SIGLEC10: variants seen among roughly 807,000 people sequenced by gnomAD.
SIGLEC10 encodes sialic acid-binding Ig-like lectin 10.
SIGLEC10 carries 45 observed loss-of-function variants against 68.3 expected under a neutral mutation model. The ratio of observed to expected loss-of-function variants is 0.66; its 90% confidence interval spans 0.52 to 0.84. The LOEUF is 0.84. Among genes scored for constraint, SIGLEC10 ranks in the 40% least tolerant of loss-of-function variants. SIGLEC10 has a pLI of 0.00. For missense variants in SIGLEC10, 789 were observed against 883.1 expected (o/e 0.89, Z 1.35); for synonymous variants, 379 against 370.8 (o/e 1.02, Z -0.26).
In SIGLEC10 at chr19:51,417,148, G is replaced by A. The variant is rs374849658; in HGVS notation, c.355C>T (p.Arg119Trp). The change falls in exon 2 of 11, where the codon CGG becomes TGG. Residue 119 changes from arginine (R) to tryptophan (W), a missense_variant. By Grantham distance (101) the Arg-to-Trp change is moderately radical. Transcript: ENST00000339313. The stretch of plus-strand genomic sequence containing the variant: ...CTCACATAGCTTCCTCTCTCCACCC[G>A]AAAGAAGTACTGTGACTCATCCTGC... ...QMQDESQYFF[R>W]VERGSYVRYN... The A allele has an allele frequency of 1.4e-5, 22 of 1,614,042 alleles. No individual in the cohort carries two copies. The highest frequency in any genetic ancestry group is 4.0e-5 in the African/African-American group (3 of 74,900).
intron 10 of SIGLEC10, among the ~76,000 whole-genome samples, chr19:51,413,438 A>G (rs994004449): frequency 1.3e-5 from 2 of 152,212 alleles, no homozygotes; most frequent in Admixed American, 1.3e-4. Context: ...CAATGGTGGC[A>G]GTAATAATGG....
In SIGLEC10 at chr19:51,416,300, C is replaced by T. The variant is rs1375739632; in HGVS notation, c.754+10G>A. The T allele has an allele frequency of 4.2e-5, 68 of 1,613,998 alleles. No homozygotes were observed. Among genetic ancestry groups the T allele is most frequent in the Non-Finnish European group, 5.1e-5 (60 of 1,180,006 alleles). On this transcript the variant is annotated intron_variant, in intron 4 of 10. Coordinates refer to ENST00000339313, the MANE Select transcript of SIGLEC10 (RefSeq NM_033130.5). ...AACTGGCCCAGCCCCAGCCCGACGG[C>T]CCTCAGTACCTGGCGTGTTGTCACG... is the stretch of plus-strand genomic sequence containing the variant.
rs1988717515 is a variant in SIGLEC10 at position 51,416,736 on chromosome 19, G to A, written c.636C>T (p.Asp212=). The A allele has an allele frequency of 3.1e-6, 5 of 1,614,242 alleles. No homozygotes were observed. Among genetic ancestry groups the A allele is most frequent in the Non-Finnish European group, 4.2e-6 (5 of 1,180,038 alleles). The change falls in exon 3 of 11, where the codon GAC becomes GAT. Residue 212 remains aspartate, a synonymous_variant. Coordinates refer to ENST00000339313, the MANE Select transcript of SIGLEC10 (RefSeq NM_033130.5). ...FTPRPQDHNT[D]LTCHVDFSRK... is the part of the protein sequence containing the mutation. ...TGGAGAAGTCCACATGGCAGGTGAGGTCGGTGTTGTGGTCCTGGGGTCTGG... is the reference window on the plus strand; with the variant it reads ...TGGAGAAGTCCACATGGCAGGTGAGATCGGTGTTGTGGTCCTGGGGTCTGG...
Position 51,416,846 on chromosome 19 carries a change from G to T in SIGLEC10, c.526C>A (p.Pro176Thr), listed in dbSNP as rs201973397. The change falls in exon 3 of 11, where the codon CCT becomes ACT. Residue 176 changes from proline (P) to threonine (T), a missense_variant. Pro to Thr is a conservative substitution (Grantham distance 38). Coordinates refer to ENST00000339313, the MANE Select transcript of SIGLEC10 (RefSeq NM_033130.5). ...FNWAFEECPP[P>T]SFSWTGAALS... ...GCAGCCCCCGTCCAGGAGAAAGAAGGGGGTGGACATTCCTCAAAGGCCCAG... is the reference window on the plus strand; with the variant it reads ...GCAGCCCCCGTCCAGGAGAAAGAAGTGGGTGGACATTCCTCAAAGGCCCAG... 77 of 1,614,198 alleles carry T rather than the reference G, an allele frequency of 4.8e-5. No individual in the cohort carries two copies. The highest frequency in any genetic ancestry group is 2.0e-4 in the South Asian group (18 of 91,092).
chr19:51,414,514 A>G lies in SIGLEC10; in HGVS notation c.1617T>C (p.Asp539=). 6.2e-7 allele frequency: 1 copy of G among 1,613,660 alleles called. No individual in the cohort carries two copies. Among genetic ancestry groups the G allele is most frequent in the Non-Finnish European group, 8.5e-7 (1 of 1,179,808 alleles). ...ATGCCGTTGAGATGAGTCCCTTCTT[A>G]TCTGCACACGGAGAGGGCAAGGTGA... The part of the protein sequence containing the change: ...AQSGSILQLP[D]KKGLISTAFS... Residue 539 remains aspartate (D), a splice_region_variant and synonymous_variant, in exon 9 of 11, where the codon GAT becomes GAC. Transcript: ENST00000339313. This position sits in a 1 kb window ranked among gnomAD's most constrained non-coding sequence, Gnocchi z 4.1.
chr19:51,416,274 C>G lies in SIGLEC10; in HGVS notation c.754+36G>C, dbSNP rs200256024. 994 of 1,613,506 alleles carry G rather than the reference C, an allele frequency of 6.2e-4. 1 individual carries two copies. The highest frequency in any genetic ancestry group is 6.3e-4 in the Non-Finnish European group (749 of 1,179,594). On this transcript the variant is annotated intron_variant, in intron 4 of 10. Transcript: ENST00000339313. ...CCCCTGAAGCCTTTTCATCTAAAGA[C>G]AACTGGCCCAGCCCCAGCCCGACGG... is the stretch of plus-strand genomic sequence containing the variant.
Position 51,416,171 on chromosome 19 carries a change from G to C in SIGLEC10, c.755-4C>G. ...CCCTGGGGCTGGGGCTCCAGGGCTG[G>C]AGTGGGAGGAAAAAAAAAAAAGAGA... On this transcript the variant is annotated splice_region_variant and splice_polypyrimidine_tract_variant and intron_variant, in intron 4 of 10. Coordinates refer to ENST00000339313, the MANE Select transcript of SIGLEC10 (RefSeq NM_033130.5). 6.2e-7 allele frequency: 1 copy of C among 1,604,074 alleles called. No individual in the cohort carries two copies. The highest frequency in any genetic ancestry group is 8.5e-7 in the Non-Finnish European group (1 of 1,176,880).
Position 51,415,914 on chromosome 19 carries a change from C to T in SIGLEC10, c.1008G>A (p.Leu336=), listed in dbSNP as rs1988573145. 6.2e-7 allele frequency: 1 copy of T among 1,613,030 alleles called. No homozygotes were observed. The highest frequency in any genetic ancestry group is 1.7e-5 in the Admixed American group (1 of 60,022). ...ENRLGSQQRA[L]DLSVQYPPEN... is the part of the protein sequence containing the mutation. The stretch of plus-strand genomic sequence containing the variant: ...CACACTCACACTGCACAGAGAGGTC[C>T]AGGGCTCGCTGCTGGGAGCCAAGCC... The change falls in exon 5 of 11, where the codon CTG becomes CTA. Residue 336 remains leucine, a synonymous_variant. Coordinates refer to ENST00000339313, the MANE Select transcript of SIGLEC10 (RefSeq NM_033130.5).
chr19:51,415,866 A>T, intron 5 of SIGLEC10, 32 bp downstream of exon 5: 1 of 1,553,510 alleles, frequency 6.4e-7, no homozygotes, highest in South Asian at 1.1e-5. Flanking sequence ...TGCCCTCCCA[A>T]TGGACTCCAG....
In SIGLEC10 at chr19:51,415,966, C is replaced by T; in HGVS notation, c.956G>A (p.Gly319Glu). 1 of 1,613,640 alleles carries T rather than the reference C, an allele frequency of 6.2e-7. No individual in the cohort carries two copies. The highest frequency in any genetic ancestry group is 1.1e-5 in the South Asian group (1 of 91,044). The stretch of plus-strand genomic sequence containing the variant: ...GTTCTCCGCTCGGCAGGTGTAGCGC[C>T]CTGAATCCCCAGCCTTCACCCCGGG... The part of the protein sequence containing the change: ...ELPGVKAGDS[G>E]RYTCRAENRL... The change falls in exon 5 of 11, where the codon GGG (glycine) becomes GAG (glutamate). Residue 319 changes from glycine (G) to glutamate (E), a missense_variant. Gly to Glu is a moderately conservative substitution (Grantham distance 98). Coordinates refer to ENST00000339313, the MANE Select transcript of SIGLEC10 (RefSeq NM_033130.5).
Position 51,416,758 on chromosome 19 carries a change from C to T in SIGLEC10, c.614G>A (p.Arg205Lys). 1 of 1,614,220 alleles carries T rather than the reference C, an allele frequency of 6.2e-7. No homozygotes were observed. Among genetic ancestry groups the T allele is most frequent in the Non-Finnish European group, 8.5e-7 (1 of 1,180,040 alleles). Residue 205 changes from arginine (R) to lysine (K), a missense_variant, in exon 3 of 11, where the codon AGA (arginine) becomes AAA (lysine). Physicochemically the swap from Arg to Lys is conservative, Grantham distance 26. Coordinates refer to ENST00000339313, the MANE Select transcript of SIGLEC10 (RefSeq NM_033130.5). ...GAGGTCGGTGTTGTGGTCCTGGGGT[C>T]TGGGCGTGAAGCTGAGCACTGAGAA... Reference protein sequence around the residue: ...SHFSVLSFTPRPQDHNTDLTC... With the variant: ...SHFSVLSFTPKPQDHNTDLTC...
chr19:51,415,417 C>T lies in SIGLEC10; in HGVS notation c.1094G>A (p.Gly365Asp), dbSNP rs1319440245. 3 of 1,605,100 alleles carry T rather than the reference C, an allele frequency of 1.9e-6. No individual in the cohort carries two copies. Among genetic ancestry groups the T allele is most frequent in the South Asian group, 1.1e-5 (1 of 90,242 alleles). Residue 365 changes from glycine (G) to aspartate (D), a missense_variant, in exon 7 of 11, where the codon GGC becomes GAC. Coordinates refer to ENST00000339313, the MANE Select transcript of SIGLEC10 (RefSeq NM_033130.5). ...GCCCTCCAGTACTGGGAGAGACGTG[C>T]CGTTCCCAAGGTTTTCCAGGACTAG... Reference protein sequence around the residue: ...NRTVLENLGNGTSLPVLEGQS... With the variant: ...NRTVLENLGNDTSLPVLEGQS...
rs181070500 is a variant in SIGLEC10 at position 51,416,470 on chromosome 19, C to T, written c.707-113G>A. Reference sequence around the variant, plus strand: ...CTATCCCGGGAAGACAAGTGACAACCAGCGCCAGGGCTCACGTGTGTGGAC... The same window carrying T: ...CTATCCCGGGAAGACAAGTGACAACTAGCGCCAGGGCTCACGTGTGTGGAC... On this transcript the variant is annotated intron_variant, in intron 3 of 10. Transcript: ENST00000339313. 5,713 of 1,606,012 alleles carry T rather than the reference C, an allele frequency of 3.6e-3. 10 individuals are homozygous for T. The highest frequency in any genetic ancestry group is 4.6e-3 in the Non-Finnish European group (5,358 of 1,176,088).
In SIGLEC10 at chr19:51,414,651, C is replaced by A; in HGVS notation, c.1616-136G>T. 2 of 1,353,380 alleles carry A rather than the reference C, an allele frequency of 1.5e-6. No individual in the cohort carries two copies. The highest frequency in any genetic ancestry group is 1.2e-5 in the South Asian group (1 of 81,322). 83.8% of individuals were successfully genotyped at this position (1,353,380 alleles called of 1,614,324 possible). A position where few individuals can be genotyped will look rare whatever the true frequency, so the allele number is the denominator to read the frequency against. ...AACCCCTCTGTTTACTTTTAGGAAA[C>A]CCTGCCACACCCCGGCCCAGGTGTT... On this transcript the variant is annotated intron_variant, in intron 8 of 10. Coordinates refer to ENST00000339313, the MANE Select transcript of SIGLEC10 (RefSeq NM_033130.5). The surrounding 1 kb of genome is among the most constrained non-coding windows in gnomAD (Gnocchi z 4.1).
rs771684307 is a variant in SIGLEC10 at position 51,416,892 on chromosome 19, C to A, written c.480G>T (p.Val160=). Residue 160 remains valine, a synonymous_variant, in exon 3 of 11, where the codon GTG becomes GTT. Coordinates refer to ENST00000339313, the MANE Select transcript of SIGLEC10 (RefSeq NM_033130.5). ...IPETLEPGQP[V]TVICVFNWAF... is the part of the protein sequence containing the mutation. ...CCCAGTTAAACACACAGATGACCGT[C>A]ACCGGCTGCCCGGGCTCCAGGGTCT... 2 of 1,614,114 alleles carry A rather than the reference C, an allele frequency of 1.2e-6. No individual in the cohort carries two copies. Among genetic ancestry groups the A allele is most frequent in the Non-Finnish European group, 1.7e-6 (2 of 1,180,016 alleles).
chr19:51,417,169 C>T lies in SIGLEC10; in HGVS notation c.334G>A (p.Asp112Asn), dbSNP rs1988778274. 1 of 1,614,240 alleles carries T rather than the reference C, an allele frequency of 6.2e-7. No homozygotes were observed. Among genetic ancestry groups the T allele is most frequent in the Non-Finnish European group, 8.5e-7 (1 of 1,180,034 alleles). Residue 112 changes from aspartate (D) to asparagine (N), a missense_variant, in exon 2 of 11, where the codon GAT becomes AAT. Physicochemically the swap from Asp to Asn is conservative, Grantham distance 23. Coordinates refer to ENST00000339313, the MANE Select transcript of SIGLEC10 (RefSeq NM_033130.5). ...SLVIRDAQMQDESQYFFRVER... is the reference protein window; with the variant it reads ...SLVIRDAQMQNESQYFFRVER... ...ACCCGAAAGAAGTACTGTGACTCAT[C>T]CTGCATCTGCGCGTCTCTGATCACC...
At chr19:51,413,628 G>T in intron 10 of SIGLEC10, 84 bp downstream of exon 10, 1 of 1,211,352 alleles carries the variant, frequency 8.3e-7, no homozygotes, top group East Asian at 2.4e-5. Context: ...CCTTGATGTC[G>T]CTAAGACAAG....
chr19:51,413,962 GA>G, intron 9 of SIGLEC10, 139 bp from the exon 10 acceptor site: 1 of 656,830 alleles, frequency 1.5e-6, no homozygotes, highest in Non-Finnish European at 2.7e-6. Context: ...AAAGAAGGAG[GA>G]CAAACGTAGA....
At position 51,415,248 on chromosome 19, in the gene SIGLEC10, T is replaced by C. The variant is rs1484921922; in HGVS notation, c.1263A>G (p.Gly421=). Residue 421 remains glycine, a synonymous_variant, in exon 7 of 11, where the codon GGA becomes GGG. Coordinates refer to ENST00000339313, the MANE Select transcript of SIGLEC10 (RefSeq NM_033130.5). ...ELPRVQVEHE[G]EFTCHARHPL... is the part of the protein sequence containing the mutation. The stretch of plus-strand genomic sequence containing the variant: ...GGTGCCGAGCGTGGCAGGTGAACTC[T>C]CCTTCGTGCTCCACTTGAACCCGAG... The C allele has an allele frequency of 1.9e-6, 3 of 1,613,968 alleles. No homozygotes were observed. Among genetic ancestry groups the C allele is most frequent in the Admixed American group, 3.3e-5 (2 of 60,004 alleles).
Sources: allele counts gnomAD v4.1 joint callset (sites outside exome capture counted in the v4.1 genomes callset), GRCh38; gene constraint gnomAD v4.1.1; non-coding constraint Gnocchi (gnomAD v3.1); transcripts MANE v1.5; gene names NCBI Gene and HGNC (gene_info 2026-07-23, HGNC 2026-07-21).